The following PLXNA4 variants were observed in gnomAD, a reference collection of about 807,000 sequenced individuals.
PLXNA4 encodes plexin A4, also known as plexin-A4.
Under a neutral mutation model 191.8 loss-of-function variants are expected in PLXNA4, and 44 were observed. The ratio of observed to expected loss-of-function variants is 0.23; its 90% CI spans 0.18 to 0.29. The LOEUF (loss-of-function observed/expected upper bound fraction) is 0.29. Among genes scored for constraint, PLXNA4 ranks in the 10% least tolerant of loss-of-function variants. The pLI, the probability that PLXNA4 is intolerant of heterozygous loss-of-function variation, is 1.00. For synonymous variants in PLXNA4, 1,082 were observed against 1,009.5 expected, an observed-to-expected ratio of 1.07 and a Z score of -1.36; for missense variants, 1,800 against 2,488.8, an observed-to-expected ratio of 0.72 and a Z score of 5.89.
intron 2 of PLXNA4, among the ~76,000 whole-genome samples, chr7:132,612,751 G>A (rs947573622): frequency 1.9e-4 from 29 of 151,624 alleles, no homozygotes; most frequent in African/African-American, 6.8e-4. Flanking sequence ...TCTTTATTGG[G>A]TGCAGGGAGG....
At chr7:132,427,798 A>C (rs190442770) in intron 3 of PLXNA4, among the ~76,000 whole-genome samples, 1 of 152,142 alleles carries the variant, frequency 6.6e-6, no homozygotes, top group Non-Finnish European at 1.5e-5. Flanking sequence ...TGCTTCATAC[A>C]TGCTTGCAGA....
In PLXNA4 at chr7:132,128,295, C is replaced by CTCT. The variant is rs1794833513; in HGVS notation, c.*2181_*2183dup. 1 of 152,084 alleles carries CTCT rather than the reference C, an allele frequency of 6.6e-6. No individual in the cohort carries two copies. The highest frequency in any genetic ancestry group is 2.4e-5 in the African/African-American group (1 of 41,398). The allele number at this position is 152,084 out of a possible 1,614,324, so 9.4% of individuals were successfully genotyped here. ...CTTTGGTTATTTATTTTTTTTCTTC[C>CTCT]TCTTCCAATGCATTGTTTCCCATTT... On this transcript the variant is annotated 3_prime_UTR_variant, in exon 32 of 32. Coordinates refer to ENST00000321063, the MANE Select transcript of PLXNA4 (RefSeq NM_020911.2).
At chr7:132,290,054 C>T (rs780270506) in intron 4 of PLXNA4, among the ~76,000 whole-genome samples, 1 of 152,210 alleles carries the variant, frequency 6.6e-6, no homozygotes, top group African/African-American at 2.4e-5. Flanking sequence ...CTCCTCAGGC[C>T]CCACAGGCGT....
At chr7:132,528,596 G>A (rs1469948287) in intron 1 of PLXNA4, among the ~76,000 whole-genome samples, 1 of 152,166 alleles carries the variant, frequency 6.6e-6, no homozygotes, top group Non-Finnish European at 1.5e-5. Flanking sequence ...GCCTGCCAGG[G>A]GCTTCAGGAA....
intron 3 of PLXNA4, among the ~76,000 whole-genome samples, chr7:132,407,831 T>C (rs930039585): frequency 7.9e-5 from 12 of 152,242 alleles, no homozygotes; most frequent in African/African-American, 2.9e-4. Context: ...CACACAGATT[T>C]TATACATCGG....
At chr7:132,338,135 C>T (rs1802889407) in intron 3 of PLXNA4, among the ~76,000 whole-genome samples, 1 of 152,166 alleles carries the variant, frequency 6.6e-6, no homozygotes, top group African/African-American at 2.4e-5. Flanking sequence ...GCATACTGTG[C>T]TGAGGGTATG....
chr7:132,617,551 T>C (rs1261581312), intron 2 of PLXNA4, among the ~76,000 whole-genome samples: 1 of 152,238 alleles, frequency 6.6e-6, no homozygotes, highest in African/African-American at 2.4e-5. Flanking sequence ...GGCCATTCTT[T>C]CAGCAAATAA....
chr7:132,247,654 A>C (rs1304190813), intron 4 of PLXNA4, among the ~76,000 whole-genome samples: 1 of 152,182 alleles, frequency 6.6e-6, no homozygotes, highest in East Asian at 1.9e-4. Flanking sequence ...ACCCGCCTTC[A>C]TCTCCTTTGG....
Position 132,186,645 on chromosome 7 carries a change from C to A in PLXNA4, c.2993+826G>T, listed in dbSNP as rs945797495. Among the ~76,000 whole-genome samples, 3 of 152,160 alleles carry A rather than the reference C, an allele frequency of 2.0e-5. No homozygotes were observed. The East Asian group carries it at 5.8e-4, about 29-fold the overall frequency. On this transcript the variant is annotated intron_variant, in intron 15 of 31. Coordinates refer to ENST00000321063, the MANE Select transcript of PLXNA4 (RefSeq NM_020911.2). ...GTTGCAAAAAAGTGTGGCACCTGTG[C>A]AAAAATTTCTGACATAGAAAAATTA...
chr7:132,596,452 G>A (rs1802712089), intron 2 of PLXNA4, among the ~76,000 whole-genome samples: 1 of 152,178 alleles, frequency 6.6e-6, no homozygotes, highest in African/African-American at 2.4e-5. Flanking sequence ...AACAGTGCTG[G>A]CCCTTTCTGG....
rs143277060 is a variant in PLXNA4 at position 132,222,785 on chromosome 7, C to T, written c.2097+742G>A. On this transcript the variant is annotated intron_variant, in intron 9 of 31. Transcript: ENST00000321063. ...GCATAGGCAGAAAGTATTTTTGGTA[C>T]AGTGAGGATGAGTGTTCAAGAAGAA... Among the ~76,000 whole-genome samples the T allele has an allele frequency of 4.6e-5, 7 of 152,308 alleles. No homozygotes were observed. The East Asian group carries it at 7.7e-4, about 17-fold the overall frequency.
At chr7:132,474,286 G>A (rs1017620317) in intron 3 of PLXNA4, among the ~76,000 whole-genome samples, 20 of 150,916 alleles carry the variant, frequency 1.3e-4, no homozygotes, top group South Asian at 4.2e-4. Context: ...GCACTAGGGC[G>A]TTTGGGAAAG....
chr7:132,255,258 G>A (rs1469748514), intron 4 of PLXNA4, among the ~76,000 whole-genome samples: 1 of 152,162 alleles, frequency 6.6e-6, no homozygotes, highest in Non-Finnish European at 1.5e-5. Context: ...GCTGGGACCT[G>A]GGCTGTGCAG....
rs376463343 is a variant in PLXNA4 at position 132,164,217 on chromosome 7, G to A, written c.4425C>T (p.Asp1475=). 1.9e-5 allele frequency: 30 copies of A among 1,614,118 alleles called. No individual in the cohort carries two copies. In the African/African-American group the frequency reaches 2.0e-4, roughly 11 times the overall value. ...AGTAGCGGGCCTCGCCCGTGATGGC[G>A]TCAATGGGGCCCTTCTCCATCTGCT... ...IKQQMEKGPI[D]AITGEARYSL... Residue 1475 remains aspartate, a synonymous_variant, in exon 24 of 32, where the codon GAC becomes GAT. Transcript: ENST00000321063.
chr7:132,609,947 G>C (rs1488072658), intron 2 of PLXNA4, among the ~76,000 whole-genome samples: 1 of 152,170 alleles, frequency 6.6e-6, no homozygotes, highest in Admixed American at 6.5e-5. Flanking sequence ...GACTCTAACA[G>C]ATGGGTGCTA....
intron 2 of PLXNA4, among the ~76,000 whole-genome samples, chr7:132,490,874 A>C (rs1797768731): frequency 6.6e-6 from 1 of 152,078 alleles, no homozygotes; most frequent in Admixed American, 6.6e-5. Context: ...CAGTTCCCCC[A>C]CTGTATTTCC....
chr7:132,335,098 T>A (rs1254394936), intron 3 of PLXNA4, among the ~76,000 whole-genome samples: 1 of 152,228 alleles, frequency 6.6e-6, no homozygotes. Context: ...TTTTGACTAT[T>A]TATCACCCTT....
At chr7:132,314,574 AG>A (rs1482660860) in intron 3 of PLXNA4, among the ~76,000 whole-genome samples, 1 of 152,184 alleles carries the variant, frequency 6.6e-6, no homozygotes, top group Non-Finnish European at 1.5e-5. Flanking sequence ...GAGGAAGGAA[AG>A]GGTGGGAGAG....
Position 132,527,620 on chromosome 7 carries a change from G to C in PLXNA4, c.-86-18841C>G, listed in dbSNP as rs1221527449. Among the ~76,000 whole-genome samples, 10 of 150,664 alleles carry C rather than the reference G, an allele frequency of 6.6e-5. No individual in the cohort carries two copies. The East Asian group carries it at 1.6e-3, about 24-fold the overall frequency. The stretch of plus-strand genomic sequence containing the variant: ...ACGGACTAACAAGATTCAGTCCAAA[G>C]TGAAAAATCAATGACGCAAAGGCTC... On this transcript the variant is annotated intron_variant, in intron 1 of 31. Coordinates refer to ENST00000321063, the MANE Select transcript of PLXNA4 (RefSeq NM_020911.2).
Sources: gnomAD v4.1 joint callset for allele counts (sites outside exome capture counted in the v4.1 genomes callset) on GRCh38, gnomAD v4.1.1 for gene constraint, MANE v1.5 for transcripts, NCBI Gene and HGNC (gene_info 2026-07-23, HGNC 2026-07-21) for gene names.